LARGE1: variants seen among roughly 807,000 people sequenced by gnomAD.
LARGE1 encodes the protein xylosyl- and glucuronyltransferase LARGE1.
A neutral mutation model predicts 87.6 loss-of-function variants in LARGE1; 43 were observed. The observed-to-expected ratio is 0.49, with a 90% CI of 0.38 to 0.63. LARGE1 has a LOEUF of 0.63. LARGE1 is among the 30% of genes least tolerant of loss of function. The pLI is 0.00. For synonymous variants in LARGE1, 434 were observed against 394.6 expected, an observed-to-expected ratio of 1.10 and a Z score of -1.18; for missense variants, 802 against 1,000.2, an observed-to-expected ratio of 0.80 and a Z score of 2.67.
At chr22:33,299,748 T>C (rs545961677) in intron 12 of LARGE1, among the ~76,000 whole-genome samples, 1 of 152,306 alleles carries the variant, frequency 6.6e-6, no homozygotes, top group Admixed American at 6.5e-5. Context: ...ACTCACACAC[T>C]TGATTAGTGT....
chr22:33,853,552 G>A (rs1312431248), intron 1 of LARGE1, among the ~76,000 whole-genome samples: 1 of 152,178 alleles, frequency 6.6e-6, no homozygotes, highest in Non-Finnish European at 1.5e-5. Flanking sequence ...GCTCTATTAT[G>A]CAAAACACCA....
intron 5 of LARGE1, among the ~76,000 whole-genome samples, chr22:33,572,588 G>A (rs544090236): frequency 1.6e-4 from 24 of 152,322 alleles, no homozygotes; most frequent in Non-Finnish European, 2.5e-4. Context: ...ATCAGGGCTC[G>A]ATATGAGTGT....
chr22:33,626,666 A>G (rs2079932243), intron 3 of LARGE1, among the ~76,000 whole-genome samples: 1 of 152,198 alleles, frequency 6.6e-6, no homozygotes, highest in Admixed American at 6.5e-5. Context: ...GGAAAGAAAT[A>G]CATCTTGAAA....
intron 1 of LARGE1, among the ~76,000 whole-genome samples, chr22:33,863,432 A>G (rs1427536705): frequency 6.6e-6 from 1 of 152,046 alleles, no homozygotes; most frequent in East Asian, 1.9e-4. Flanking sequence ...CCATTTCTAG[A>G]AGACCCTGTA....
At chr22:33,197,681 G>C (rs137434) in intron 11 of LARGE1, among the ~76,000 whole-genome samples, 50,949 of 151,856 alleles carry the variant, frequency 0.34, 9,007 homozygotes, top group Non-Finnish European at 0.39. Context: ...TAAAATGGGA[G>C]TCTCAATTTT....
At chr22:33,597,985 C>T (rs1285914033) in intron 5 of LARGE1, among the ~76,000 whole-genome samples, 1 of 152,160 alleles carries the variant, frequency 6.6e-6, no homozygotes, top group Admixed American at 6.5e-5. Context: ...TCCCTTTCAT[C>T]CCCTACAGGA....
chr22:33,901,550 A>G (rs1371545197), intron 1 of LARGE1, among the ~76,000 whole-genome samples: 1 of 152,212 alleles, frequency 6.6e-6, no homozygotes, highest in Non-Finnish European at 1.5e-5. Context: ...ACATGCCTGC[A>G]GTCCTAGCTA....
At chr22:33,791,736 G>C (rs2085830283) in intron 1 of LARGE1, among the ~76,000 whole-genome samples, 2 of 152,134 alleles carry the variant, frequency 1.3e-5, no homozygotes, top group East Asian at 1.9e-4. Context: ...CAAGCCAAAG[G>C]CTTACTACTT....
chr22:33,884,832 T>C (rs923456525), intron 1 of LARGE1, among the ~76,000 whole-genome samples: 6 of 152,146 alleles, frequency 3.9e-5, no homozygotes, highest in South Asian at 2.1e-4. Flanking sequence ...CCCCTCCTGT[T>C]TTCTGAAGCT....
At chr22:33,492,382 A>G (rs1371734681) in intron 6 of LARGE1, among the ~76,000 whole-genome samples, 1 of 152,146 alleles carries the variant, frequency 6.6e-6, no homozygotes, top group African/African-American at 2.4e-5. Context: ...AAGGCAAAGG[A>G]GTGGGGGGAC....
At chr22:33,132,163 T>C in the LARGE1 span, among the ~76,000 whole-genome samples, 1 of 152,124 alleles carries the variant, frequency 6.6e-6, no homozygotes, top group Non-Finnish European at 1.5e-5. Flanking sequence ...TTCATAACTA[T>C]TTATTTGTGT....
At chr22:33,855,109 C>T (rs1441002881) in intron 1 of LARGE1, among the ~76,000 whole-genome samples, 6 of 152,028 alleles carry the variant, frequency 3.9e-5, no homozygotes, top group South Asian at 2.1e-4. Flanking sequence ...CCGAGAAGGG[C>T]GGATTATGAG....
intron 9 of LARGE1, among the ~76,000 whole-genome samples, chr22:33,359,905 G>T (rs57846459): frequency 0.049 from 7,325 of 149,458 alleles, 718 homozygotes; most frequent in Admixed American, 0.13. Flanking sequence ...AGACAATCTA[G>T]GAGTGGCCAA....
At chr22:33,687,274 C>T (rs1169343484) in intron 2 of LARGE1, among the ~76,000 whole-genome samples, 1 of 151,530 alleles carries the variant, frequency 6.6e-6, no homozygotes, top group Non-Finnish European at 1.5e-5. Context: ...GGATTACAGG[C>T]GTGTGCCACC....
intron 2 of LARGE1, among the ~76,000 whole-genome samples, chr22:33,697,572 G>GAAAAAAAAAAAAAAAAAA (rs1556001740): frequency 3.2e-5 from 1 of 30,892 alleles, no homozygotes; most frequent in African/African-American, 1.3e-4. Flanking sequence ...AAAAAAAAAG[G>GAAAAAAAAAAAAAAAAAA]AAATACATCT....
chr22:33,252,144 T>G (rs1037892923), intron 11 of LARGE1, among the ~76,000 whole-genome samples: 1 of 152,172 alleles, frequency 6.6e-6, no homozygotes, highest in Non-Finnish European at 1.5e-5. Context: ...ACTCAACAAA[T>G]GTTTCATGAA....
intron 6 of LARGE1, among the ~76,000 whole-genome samples, chr22:33,467,122 A>G (rs2068651627): frequency 6.6e-6 from 1 of 152,122 alleles, no homozygotes; most frequent in Admixed American, 6.6e-5. Flanking sequence ...TGTGTCTTCC[A>G]TTTTTCCAGA....
At chr22:33,370,647 T>A (rs1176155847) in intron 9 of LARGE1, among the ~76,000 whole-genome samples, 2 of 152,054 alleles carry the variant, frequency 1.3e-5, no homozygotes, top group Non-Finnish European at 2.9e-5. Context: ...TGTATGTCTA[T>A]GTGTTTAGGT....
intron 9 of LARGE1, among the ~76,000 whole-genome samples, chr22:33,343,705 T>C (rs770955508): frequency 6.6e-6 from 1 of 152,172 alleles, no homozygotes; most frequent in African/African-American, 2.4e-5. Context: ...ATTTCTATTA[T>C]TATCTTCATT....
Sources: gnomAD v4.1 joint callset for allele counts (sites outside exome capture counted in the v4.1 genomes callset) on GRCh38, gnomAD v4.1.1 for gene constraint, MANE v1.5 for transcripts, NCBI Gene and HGNC (gene_info 2026-07-23, HGNC 2026-07-21) for gene names.